Variants in THRAP3 observed in about 807,000 individuals in gnomAD.
THRAP3 encodes the protein thyroid hormone receptor associated protein 3, also known as thyroid hormone receptor-associated protein 3.
Under a neutral mutation model 101.0 loss-of-function variants are expected in THRAP3, and 16 were observed. The ratio of observed to expected loss-of-function variants is 0.16; its 90% confidence interval spans 0.11 to 0.24. THRAP3 has a LOEUF of 0.24. THRAP3 is among the 10% of genes least tolerant of loss of function. THRAP3 has a pLI of 1.00. For synonymous variants in THRAP3, 407 were observed against 422.6 expected, an observed-to-expected ratio of 0.96 and a Z score of 0.45; for missense variants, 989 against 1,202.7, an observed-to-expected ratio of 0.82 and a Z score of 2.63.
chr1:36,220,972 A>AAAAAAAAAAAAT (rs1285765741), upstream of THRAP3, among the ~76,000 whole-genome samples: 4 of 94,118 alleles, frequency 4.2e-5, no homozygotes, highest in African/African-American at 1.9e-4. Context: ...AAAAAAAAAA[A>AAAAAAAAAAAAT]ATATATATAT....
chr1:36,232,301 C>T (rs1645036698), intron 1 of THRAP3, among the ~76,000 whole-genome samples: 1 of 152,102 alleles, frequency 6.6e-6, no homozygotes, highest in Non-Finnish European at 1.5e-5. Flanking sequence ...TTTGTATACT[C>T]ATAAGTTCTT....
chr1:36,226,747 C>T (rs186338127), intron 1 of THRAP3, among the ~76,000 whole-genome samples: 2 of 152,118 alleles, frequency 1.3e-5, no homozygotes, highest in Non-Finnish European at 2.9e-5. Flanking sequence ...CACTGTTTGA[C>T]TCTGGTTGAT....
chr1:36,241,428 TACAC>T (rs1553192383), intron 1 of THRAP3, among the ~76,000 whole-genome samples: 8 of 137,836 alleles, frequency 5.8e-5, no homozygotes, highest in African/African-American at 2.3e-4. Context: ...TATATATATA[TACAC>T]ATATATAAAT....
intron 1 of THRAP3, among the ~76,000 whole-genome samples, chr1:36,226,057 G>A (rs946765657): frequency 2.0e-5 from 3 of 152,280 alleles, no homozygotes; most frequent in Non-Finnish European, 4.4e-5. Flanking sequence ...GGTGATGGTA[G>A]TAGTAGTACC....
At chr1:36,213,167 A>ATGCAGGGCCTTGTAGAT in the THRAP3 span, among the ~76,000 whole-genome samples, 1 of 152,198 alleles carries the variant, frequency 6.6e-6, no homozygotes, top group Admixed American at 6.5e-5. Context: ...AGGTTATACC[A>ATGCAGGGCCTTGTAGAT]TGCAGGGCCT....
At chr1:36,270,577 G>GTTTTTT (rs869142351) in intron 2 of THRAP3, among the ~76,000 whole-genome samples, 3 of 34,634 alleles carry the variant, frequency 8.7e-5, no homozygotes, top group Non-Finnish European at 2.3e-4. Flanking sequence ...TTAGGTTTTT[G>GTTTTTT]TTTTTTTTTT....
At chr1:36,266,634 T>C (rs781659198) in intron 2 of THRAP3, among the ~76,000 whole-genome samples, 1 of 152,104 alleles carries the variant, frequency 6.6e-6, no homozygotes, top group Non-Finnish European at 1.5e-5. Context: ...CAGCACAGTG[T>C]CCCTCACCCC....
chr1:36,227,371 C>T (rs980307118), intron 1 of THRAP3, among the ~76,000 whole-genome samples: 1 of 151,824 alleles, frequency 6.6e-6, no homozygotes, highest in Non-Finnish European at 1.5e-5. Context: ...GCAACCTCCA[C>T]CTCCCAGTTC....
intron 6 of THRAP3, among the ~76,000 whole-genome samples, chr1:36,292,258 TTG>T (rs1491067787): frequency 1.9e-5 from 1 of 53,766 alleles, no homozygotes; most frequent in East Asian, 8.8e-4. Context: ...ATGTGTTTCT[TTG>T]TTTCTTTTTT....
intron 2 of THRAP3, among the ~76,000 whole-genome samples, chr1:36,274,916 C>T (rs897676965): frequency 4.7e-5 from 7 of 147,962 alleles, no homozygotes; most frequent in Non-Finnish European, 1.0e-4. Context: ...CAGGCGTGAG[C>T]CACTGTGCCC....
chr1:36,233,233 C>T (rs915957083), intron 1 of THRAP3, among the ~76,000 whole-genome samples: 4 of 149,658 alleles, frequency 2.7e-5, no homozygotes, highest in Non-Finnish European at 1.5e-5. Context: ...TTTGGCCTGG[C>T]GTGGTGGCTC....
At chr1:36,224,530 T>G (rs1644936361) in intron 1 of THRAP3, 25 bp downstream of exon 1, 1 of 152,384 alleles carries the variant, frequency 6.6e-6, no homozygotes, top group African/African-American at 2.4e-5. Context: ...CTGATGGAAG[T>G]TAGGGCAGCT....
intron 1 of THRAP3, among the ~76,000 whole-genome samples, chr1:36,229,490 G>T (rs959961834): frequency 7.4e-6 from 1 of 134,602 alleles, no homozygotes; most frequent in Non-Finnish European, 1.6e-5. Context: ...GTTTCTTTTT[G>T]TCTAGAAGAT....
At chr1:36,278,620 G>C (rs561123068) in intron 2 of THRAP3, among the ~76,000 whole-genome samples, 5 of 152,218 alleles carry the variant, frequency 3.3e-5, no homozygotes, top group African/African-American at 1.2e-4. Flanking sequence ...AATTCAAAAG[G>C]CTGTTTGAAA....
rs1311310182 is a variant in THRAP3, at chr1:36,291,549, G to A, written c.1918+3G>A. ...GACCATTGTTCACCATGTTAAAGGTGAGTCCAGACCCTGGCCTGCTTCAGG... is the reference window on the plus strand; with the variant it reads ...GACCATTGTTCACCATGTTAAAGGTAAGTCCAGACCCTGGCCTGCTTCAGG... On this transcript the variant is annotated splice_donor_region_variant and intron_variant, in intron 6 of 11. Coordinates refer to ENST00000354618, the MANE Select transcript of THRAP3 (RefSeq NM_005119.4). 1.1e-5 allele frequency: 17 copies of A among 1,613,968 alleles called. No homozygotes were observed. The highest frequency in any genetic ancestry group is 2.2e-5 in the East Asian group (1 of 44,894).
chr1:36,286,938 C>T lies in THRAP3; in HGVS notation c.708C>T (p.Ala236=). 4 of 1,614,220 alleles carry T rather than the reference C, an allele frequency of 2.5e-6. No individual in the cohort carries two copies. The highest frequency in any genetic ancestry group is 2.5e-6 in the Non-Finnish European group (3 of 1,180,040). ...ATYGTGSASR[A]SAVSELSPRE... ...ACGGCACTGGTTCTGCATCACGGGC[C>T]TCAGCAGTTTCTGAGCTGAGTCCTC... Residue 236 remains alanine (A), a synonymous_variant, in exon 4 of 12, where the codon GCC becomes GCT. Coordinates refer to ENST00000354618, the MANE Select transcript of THRAP3 (RefSeq NM_005119.4). The surrounding 1 kb of genome is among the most constrained non-coding windows in gnomAD (Gnocchi z 5.5).
At position 36,263,151 on chromosome 1, in the gene THRAP3, G is replaced by A. The variant is rs181756884; in HGVS notation, c.-32+3667G>A. ...TGGAGGCTCTGTCGCCAAGGCTGGA[G>A]TGCAGTGGCTTGATCACGGCTCACT... On this transcript the variant is annotated intron_variant, in intron 2 of 11. Transcript: ENST00000354618. 7.3e-4 allele frequency among the ~76,000 whole-genome samples: 110 copies of A among 151,340 alleles called. 2 individuals are homozygous for A. In the East Asian group the frequency reaches 0.013, roughly 18 times the overall value.
the THRAP3 span, among the ~76,000 whole-genome samples, chr1:36,216,259 C>G: frequency 1.3e-5 from 2 of 151,836 alleles, no homozygotes; most frequent in African/African-American, 2.4e-5. Context: ...GTAGCTCACG[C>G]CTGTAATCCC....
intron 6 of THRAP3, among the ~76,000 whole-genome samples, 154 bp from the exon 7 acceptor site, chr1:36,292,444 G>C (rs1645887995): frequency 6.6e-6 from 1 of 150,994 alleles, no homozygotes; most frequent in South Asian, 2.1e-4. Flanking sequence ...CTAGTTTTTT[G>C]TATTTTTAGT....
Sources: gnomAD v4.1 joint callset for allele counts (sites outside exome capture counted in the v4.1 genomes callset) on GRCh38, gnomAD v4.1.1 for gene constraint, Gnocchi (gnomAD v3.1) non-coding constraint, MANE v1.5 for transcripts, NCBI Gene and HGNC (gene_info 2026-07-23, HGNC 2026-07-21) for gene names.